The following MACO1 variants were observed in gnomAD, a reference collection of about 807,000 sequenced individuals.
MACO1 encodes the protein macoilin.
A neutral mutation model predicts 78.7 loss-of-function variants in MACO1; 14 were observed. The ratio of observed to expected loss-of-function variants is 0.18; its 90% confidence interval spans 0.12 to 0.28. The LOEUF (loss-of-function observed/expected upper bound fraction) is 0.28. Among genes scored for constraint, MACO1 ranks in the 10% least tolerant of loss-of-function variants. The pLI is 1.00. For synonymous variants in MACO1, 288 were observed against 291.6 expected (o/e 0.99, Z 0.12); for missense variants, 501 against 799.0 (o/e 0.63, Z 4.50).
chr1:25,468,706 A>C (rs1290142110), intron 6 of MACO1, among the ~76,000 whole-genome samples: 1 of 152,140 alleles, frequency 6.6e-6, no homozygotes, highest in Non-Finnish European at 1.5e-5. Flanking sequence ...GCCTGAAAGG[A>C]AATGGGGAAA....
chr1:25,448,265 C>T (rs1557660689), intron 2 of MACO1, among the ~76,000 whole-genome samples: 1 of 152,014 alleles, frequency 6.6e-6, no homozygotes, highest in Non-Finnish European at 1.5e-5. Flanking sequence ...GGGATTGAGA[C>T]CACCCTAGCT....
intron 1 of MACO1, among the ~76,000 whole-genome samples, chr1:25,435,209 G>A (rs1254654094): frequency 6.6e-6 from 1 of 152,120 alleles, no homozygotes; most frequent in African/African-American, 2.4e-5. Flanking sequence ...CTTTCACTGT[G>A]TATTTAAGAC....
In MACO1 at chr1:25,446,921, TG is replaced by T; in HGVS notation, c.222+19del. On this transcript the variant is annotated intron_variant, in intron 2 of 10. Coordinates refer to ENST00000374343, the MANE Select transcript of MACO1 (RefSeq NM_018202.6). ...AGGGACTGGTATGTCTGGTAATACA[TG>T]TTTTCCATGTGTGGGGACCATTCAG... 1 of 1,606,632 alleles carries T rather than the reference TG, an allele frequency of 6.2e-7. No homozygotes were observed. Among genetic ancestry groups the T allele is most frequent in the Non-Finnish European group, 8.5e-7 (1 of 1,177,232 alleles).
At chr1:25,440,517 C>G (rs945348619) in intron 1 of MACO1, among the ~76,000 whole-genome samples, 2 of 151,606 alleles carry the variant, frequency 1.3e-5, no homozygotes, top group African/African-American at 4.8e-5. Flanking sequence ...GCCTGTAATC[C>G]CAGCACTTTG....
rs982994779 is a variant in MACO1 at position 25,491,702 on chromosome 1, C to T, written c.1792+118C>T. The T allele has an allele frequency of 1.5e-5, 11 of 753,168 alleles. No individual in the cohort carries two copies. The East Asian group carries it at 3.0e-4, about 20-fold the overall frequency. 46.7% of individuals were successfully genotyped at this position (753,168 alleles called of 1,614,324 possible). A position where few individuals can be genotyped will look rare whatever the true frequency, so the allele number is the denominator to read the frequency against. On this transcript the variant is annotated intron_variant, in intron 10 of 10. Transcript: ENST00000374343. The stretch of plus-strand genomic sequence containing the variant: ...GCATTTCAGTTTTCTCTTCAAGAGT[C>T]TTGGTAAGTGCCCAACATTGAAATA...
At chr1:25,464,338 C>CTTTTTTTTTTTTTTT (rs71014363) in intron 6 of MACO1, among the ~76,000 whole-genome samples, 1 of 80,976 alleles carries the variant, frequency 1.2e-5, no homozygotes, top group Admixed American at 1.8e-4. Context: ...TTTTTCTTCT[C>CTTTTTTTTTTTTTTT]TTTTTTTTTT....
chr1:25,445,547 CT>C (rs1034667029), intron 1 of MACO1, among the ~76,000 whole-genome samples: 3 of 151,166 alleles, frequency 2.0e-5, no homozygotes, highest in South Asian at 2.1e-4. Context: ...CTGGATCCTA[CT>C]TTTTTTTTCT....
intron 9 of MACO1, chr1:25,491,196 C>A: frequency 5.7e-6 from 1 of 176,698 alleles, no homozygotes; most frequent in Non-Finnish European, 1.1e-5. Flanking sequence ...AGACACATGC[C>A]CAGCACAGTC....
intron 5 of MACO1, 123 bp from the exon 6 acceptor site, chr1:25,458,268 G>A: frequency 1.5e-6 from 2 of 1,329,744 alleles, no homozygotes; most frequent in Non-Finnish European, 2.0e-6. Flanking sequence ...CGTATAATGA[G>A]TGTGCAAACT....
rs564753361 is a variant in MACO1 at position 25,493,407 on chromosome 1, A to AT, written c.1792+1835dup. 6.4e-3 allele frequency among the ~76,000 whole-genome samples: 930 copies of AT among 144,268 alleles called. 8 individuals are homozygous for AT. Among genetic ancestry groups the AT allele is most frequent in the South Asian group, 0.018 (82 of 4,536 alleles). The allele number at this position is 144,268 out of a possible 152,430, so 94.6% of individuals were successfully genotyped here. A position where few individuals can be genotyped will look rare whatever the true frequency, so the allele number is the denominator to read the frequency against. ...AGGCATGTGCCACCATGCCCAGCTAATTTTTTTTTTTTCTGTTTTTTTTCT... is the reference window on the plus strand; with the variant it reads ...AGGCATGTGCCACCATGCCCAGCTAATTTTTTTTTTTTTCTGTTTTTTTTCT... On this transcript the variant is annotated intron_variant, in intron 10 of 10. Coordinates refer to ENST00000374343, the MANE Select transcript of MACO1 (RefSeq NM_018202.6).
At chr1:25,493,649 A>T (rs1197981133) in intron 10 of MACO1, among the ~76,000 whole-genome samples, 1 of 152,100 alleles carries the variant, frequency 6.6e-6, no homozygotes, top group African/African-American at 2.4e-5. Context: ...AAACAAAAAA[A>T]AATTCCTGAA....
chr1:25,492,457 G>A (rs527591043), intron 10 of MACO1, among the ~76,000 whole-genome samples: 8 of 152,184 alleles, frequency 5.3e-5, no homozygotes, highest in East Asian at 3.9e-4. Context: ...GGAGTGAGCC[G>A]TGTAAAGAGC....
rs115151510 is a variant in MACO1 at position 25,462,399 on chromosome 1, T to C, written c.1154+3507T>C. On this transcript the variant is annotated intron_variant, in intron 6 of 10. Coordinates refer to ENST00000374343, the MANE Select transcript of MACO1 (RefSeq NM_018202.6). ...TTGGGCTTCTATTGATCCCATCACCTAGACAGTGAACATAGTACCCAATAG... is the reference window on the plus strand; with the variant it reads ...TTGGGCTTCTATTGATCCCATCACCCAGACAGTGAACATAGTACCCAATAG... Among the ~76,000 whole-genome samples the C allele has an allele frequency of 6.7e-3, 1,017 of 152,268 alleles. 16 individuals are homozygous for C. Among genetic ancestry groups the C allele is most frequent in the African/African-American group, 0.023 (965 of 41,536 alleles).
At chr1:25,471,438 TTGGC>T in intron 6 of MACO1, among the ~76,000 whole-genome samples, 1 of 152,334 alleles carries the variant, frequency 6.6e-6, no homozygotes, top group South Asian at 2.1e-4. Flanking sequence ...TCAATTGTAG[TTGGC>T]TGCCAGAGAC....
At chr1:25,440,230 C>CAAA (rs35841483) in intron 1 of MACO1, among the ~76,000 whole-genome samples, 3 of 95,886 alleles carry the variant, frequency 3.1e-5, no homozygotes, top group Non-Finnish European at 6.2e-5. Flanking sequence ...CCCATCTCTA[C>CAAA]AAAAAAAAAA....
intron 1 of MACO1, among the ~76,000 whole-genome samples, chr1:25,445,291 C>T (rs1363085673): frequency 6.6e-6 from 1 of 150,766 alleles, no homozygotes; most frequent in Admixed American, 6.6e-5. Context: ...AGCTCAAGAC[C>T]CTGTCTCAAA....
At chr1:25,447,021 A>G in intron 2 of MACO1, 118 bp downstream of exon 2, 1 of 1,233,782 alleles carries the variant, frequency 8.1e-7, no homozygotes, top group Non-Finnish European at 1.1e-6. Flanking sequence ...TGTTAACTGA[A>G]ATTGACCTCT....
chr1:25,472,846 T>C (rs1557670373), intron 6 of MACO1, among the ~76,000 whole-genome samples: 2 of 152,212 alleles, frequency 1.3e-5, no homozygotes, highest in African/African-American at 2.4e-5. Flanking sequence ...AGGCATAAAA[T>C]AATTTTTCGG....
Position 25,447,644 on chromosome 1 carries a change from CAT to C in MACO1, c.222+742_222+743del, listed in dbSNP as rs539125309. On this transcript the variant is annotated intron_variant, in intron 2 of 10. Coordinates refer to ENST00000374343, the MANE Select transcript of MACO1 (RefSeq NM_018202.6). ...CTGAAGTCAGTCTGTTACTGTATCA[CAT>C]GTCATGTAACTTACAGAAAATTCCA... is the stretch of plus-strand genomic sequence containing the variant. Among the ~76,000 whole-genome samples, 17 of 152,302 alleles carry C rather than the reference CAT, an allele frequency of 1.1e-4. No homozygotes were observed. In the South Asian group the frequency reaches 3.1e-3, roughly 28 times the overall value.
Sources: gnomAD v4.1 joint callset for allele counts (sites outside exome capture counted in the v4.1 genomes callset) on GRCh38, gnomAD v4.1.1 for gene constraint, MANE v1.5 for transcripts, NCBI Gene and HGNC (gene_info 2026-07-23, HGNC 2026-07-21) for gene names.